Variants in MAPKAP1 observed in about 807,000 individuals in gnomAD.
The protein encoded by MAPKAP1 is MAPK associated protein 1, also known as target of rapamycin complex 2 subunit MAPKAP1.
In MAPKAP1, 20 loss-of-function variants were observed where a neutral mutation model predicts 65.7. That is an observed-to-expected ratio of 0.30 (90% CI 0.21 to 0.44). The LOEUF (loss-of-function observed/expected upper bound fraction) is 0.44, where lower values mean the gene tolerates loss of function less well. Ranked by LOEUF, MAPKAP1 falls within the 20% of genes least tolerant of loss-of-function variation. The pLI, the probability that MAPKAP1 is intolerant of heterozygous loss-of-function variation, is 1.00. For synonymous variants in MAPKAP1, 222 were observed against 244.3 expected, an observed-to-expected ratio of 0.91 and a Z score of 0.85; for missense variants, 423 against 648.0, an observed-to-expected ratio of 0.65 and a Z score of 3.77.
rs1018870936 is a variant in MAPKAP1, at chr9:125,658,719, C to T, written c.350-920G>A. Among the ~76,000 whole-genome samples the T allele has an allele frequency of 5.3e-5, 8 of 152,258 alleles. No homozygotes were observed. The East Asian group carries it at 7.7e-4, about 15-fold the overall frequency. On this transcript the variant is annotated intron_variant, in intron 3 of 11. Coordinates refer to ENST00000265960, the MANE Select transcript of MAPKAP1 (RefSeq NM_001006617.3). ...TTCATTAGTGAACCAAGACAAGTTC[C>T]GTAACTTTTCAAAGATCATTTAATT...
At chr9:125,572,718 G>C (rs761645812) in intron 5 of MAPKAP1, among the ~76,000 whole-genome samples, 2 of 152,068 alleles carry the variant, frequency 1.3e-5, no homozygotes, top group Non-Finnish European at 2.9e-5. Context: ...ATCCCATATC[G>C]GCTTAGTTCC....
intron 6 of MAPKAP1, among the ~76,000 whole-genome samples, chr9:125,556,110 A>C (rs1377494630): frequency 5.9e-5 from 9 of 152,270 alleles, no homozygotes; most frequent in Admixed American, 5.9e-4. Context: ...TACATATGCT[A>C]AACACTGTTC....
chr9:125,693,532 T>C (rs1006845703), intron 1 of MAPKAP1, among the ~76,000 whole-genome samples: 78 of 89,922 alleles, frequency 8.7e-4, no homozygotes, highest in African/African-American at 5.3e-3. Context: ...TATACACATA[T>C]ACACACACAT....
chr9:125,665,146 G>T (rs1264620087), intron 3 of MAPKAP1, among the ~76,000 whole-genome samples: 4 of 151,902 alleles, frequency 2.6e-5, no homozygotes, highest in Middle Eastern at 6.8e-3. Flanking sequence ...TACTAAAAAT[G>T]TTTTTTAAAA....
rs542610689 is a variant in MAPKAP1 at position 125,655,876 on chromosome 9, A to C, written c.498+1775T>G. ...CAAAAGCATTGAGAGCCTTCAGTGT[A>C]AACACACATCTAGCGAGAATAATTC... On this transcript the variant is annotated intron_variant, in intron 4 of 11. Coordinates refer to ENST00000265960, the MANE Select transcript of MAPKAP1 (RefSeq NM_001006617.3). Among the ~76,000 whole-genome samples, 4 of 152,348 alleles carry C rather than the reference A, an allele frequency of 2.6e-5. No homozygotes were observed. In the East Asian group the frequency reaches 7.7e-4, roughly 29 times the overall value.
intron 4 of MAPKAP1, among the ~76,000 whole-genome samples, chr9:125,632,200 T>A (rs1833303410): frequency 7.2e-6 from 1 of 138,400 alleles, no homozygotes; most frequent in African/African-American, 2.8e-5. Flanking sequence ...CCAGCCTGGG[T>A]GACAGAGCAA....
At chr9:125,565,638 T>TA in intron 5 of MAPKAP1, 1 of 404,644 alleles carries the variant, frequency 2.5e-6, no homozygotes. Context: ...AAAAGGCGTT[T>TA]AAGGTGATCA....
chr9:125,579,522 A>G (rs1304457979), intron 5 of MAPKAP1, among the ~76,000 whole-genome samples: 1 of 152,102 alleles, frequency 6.6e-6, no homozygotes, highest in Non-Finnish European at 1.5e-5. Context: ...TGAACTTCTG[A>G]CCTCAGGTGA....
chr9:125,578,206 C>T (rs912853516), intron 5 of MAPKAP1, among the ~76,000 whole-genome samples: 1 of 152,138 alleles, frequency 6.6e-6, no homozygotes, highest in African/African-American at 2.4e-5. Context: ...GCAAGATGTG[C>T]TTTGTTAAAC....
chr9:125,700,702 C>A (rs560887347), intron 1 of MAPKAP1, among the ~76,000 whole-genome samples: 3 of 152,196 alleles, frequency 2.0e-5, no homozygotes, highest in Non-Finnish European at 4.4e-5. Context: ...TGAATGACTG[C>A]TCAGGATTTA....
rs1215032603 is a variant in MAPKAP1, at chr9:125,485,691, A to G, written c.1067-1108T>C. ...AAATCCCTCCACCCCTCCCTAGGCT[A>G]GCTCAAACTCTACCTCTCCTGTGAA... On this transcript the variant is annotated intron_variant, in intron 8 of 11. Coordinates refer to ENST00000265960, the MANE Select transcript of MAPKAP1 (RefSeq NM_001006617.3). 3.3e-5 allele frequency among the ~76,000 whole-genome samples: 5 copies of G among 152,180 alleles called. No homozygotes were observed. In the East Asian group the frequency reaches 9.7e-4, roughly 29 times the overall value.
chr9:125,522,671 TA>T (rs1018535655), intron 7 of MAPKAP1, among the ~76,000 whole-genome samples: 7 of 152,206 alleles, frequency 4.6e-5, no homozygotes, highest in African/African-American at 1.2e-4. Flanking sequence ...ACCCTATTGT[TA>T]GAGTGCTCTC....
At position 125,484,557 on chromosome 9, in the gene MAPKAP1, C is replaced by G. The variant is rs376932852; in HGVS notation, c.1093G>C (p.Glu365Gln). 3.1e-6 allele frequency: 5 copies of G among 1,610,756 alleles called. No homozygotes were observed. The African/African-American group carries it at 6.7e-5, about 22-fold the overall frequency. ...GTGGCTATGTCAATTTGCGAATCCT[C>G]CTCAAAAACCCCGTCTGCCCTTGAA... is the stretch of plus-strand genomic sequence containing the variant. ...NSSRADGVFE[E>Q]DSQIDIATVQ... Residue 365 changes from glutamate to glutamine, a missense_variant, in exon 9 of 12, where the codon GAG becomes CAG. By Grantham distance (29) the Glu-to-Gln change is conservative. Around this residue, in one of 6 missense-constraint regions of MAPKAP1, gnomAD observed 185 missense variants for 268.1 expected, o/e 0.69. Coordinates refer to ENST00000265960, the MANE Select transcript of MAPKAP1 (RefSeq NM_001006617.3).
intron 10 of MAPKAP1, among the ~76,000 whole-genome samples, chr9:125,449,284 A>G (rs1174757006): frequency 6.6e-6 from 1 of 152,178 alleles, no homozygotes; most frequent in East Asian, 1.9e-4. Flanking sequence ...AGGAGGGGAT[A>G]GCATCTGTCA....
At chr9:125,485,876 T>C (rs1854486947) in intron 8 of MAPKAP1, among the ~76,000 whole-genome samples, 2 of 152,218 alleles carry the variant, frequency 1.3e-5, no homozygotes. Context: ...GTTTTTGCCA[T>C]TCACATCCAA....
Position 125,465,522 on chromosome 9 carries a change from C to T in MAPKAP1, c.1345+2450G>A, listed in dbSNP as rs562053735. Among the ~76,000 whole-genome samples the T allele has an allele frequency of 2.0e-5, 3 of 152,296 alleles. No homozygotes were observed. The East Asian group carries it at 5.8e-4, about 29-fold the overall frequency. ...CTGGAAATCATAAAACACATAACAT[C>T]AAGCCGATTCATTTAATACATCTTT... On this transcript the variant is annotated intron_variant, in intron 10 of 11. Coordinates refer to ENST00000265960, the MANE Select transcript of MAPKAP1 (RefSeq NM_001006617.3).
chr9:125,621,211 G>A (rs1441030900), intron 4 of MAPKAP1, among the ~76,000 whole-genome samples: 2 of 152,092 alleles, frequency 1.3e-5, no homozygotes, highest in African/African-American at 2.4e-5. Flanking sequence ...GGTTGAGGCT[G>A]CAGTGAGCCG....
chr9:125,515,680 T>C (rs1829439811), intron 7 of MAPKAP1, among the ~76,000 whole-genome samples: 1 of 152,264 alleles, frequency 6.6e-6, no homozygotes, highest in Non-Finnish European at 1.5e-5. Flanking sequence ...AGTTCGGCCC[T>C]GGCCACTTCA....
chr9:125,504,946 C>A (rs1829094342), intron 8 of MAPKAP1, among the ~76,000 whole-genome samples: 7 of 152,212 alleles, frequency 4.6e-5, no homozygotes, highest in Admixed American at 4.6e-4. Context: ...ACATAGTCTA[C>A]AGCAGATCTA....
Sources: gnomAD v4.1 joint callset for allele counts (sites outside exome capture counted in the v4.1 genomes callset) on GRCh38, gnomAD v4.1.1 for gene constraint, gnomAD v4.1.1 regional missense constraint, MANE v1.5 for transcripts, NCBI Gene and HGNC (gene_info 2026-07-23, HGNC 2026-07-21) for gene names.